The following IGSF10 variants were observed in gnomAD, a reference collection of about 807,000 sequenced individuals.
IGSF10 encodes immunoglobulin superfamily member 10.
A neutral mutation model predicts 128.2 loss-of-function variants in IGSF10; 126 were observed. The observed-to-expected ratio is 0.98, with a 90% CI of 0.85 to 1.14. The LOEUF (loss-of-function observed/expected upper bound fraction) is 1.14. Among genes scored for constraint, IGSF10 ranks in the 50% most tolerant of loss-of-function variants. The pLI is 0.00. For synonymous variants in IGSF10, 1,185 were observed against 1,146.2 expected (o/e 1.03, Z -0.68); for missense variants, 3,295 against 3,149.8 (o/e 1.05, Z -1.10).
the IGSF10 span, among the ~76,000 whole-genome samples, chr3:151,547,017 C>A: frequency 6.6e-6 from 1 of 152,002 alleles, no homozygotes; most frequent in African/African-American, 2.4e-5. Context: ...GCGATCCACC[C>A]CCCCCTTGGC....
At chr3:151,560,338 A>G in the IGSF10 span, among the ~76,000 whole-genome samples, 4 of 152,026 alleles carry the variant, frequency 2.6e-5, no homozygotes, top group African/African-American at 7.2e-5. Context: ...TCACACTCCC[A>G]TAATTTGTGG....
the IGSF10 span, among the ~76,000 whole-genome samples, chr3:151,579,244 T>C: frequency 6.6e-6 from 1 of 151,900 alleles, no homozygotes; most frequent in Non-Finnish European, 1.5e-5. Context: ...ATAAAAGGAG[T>C]GTGCCTAATT....
At chr3:151,573,329 A>G in the IGSF10 span, among the ~76,000 whole-genome samples, 3 of 152,074 alleles carry the variant, frequency 2.0e-5, no homozygotes, top group Admixed American at 2.0e-4. Flanking sequence ...ACAGTGGGGT[A>G]TTAAAGTCTC....
chr3:151,439,394 CT>C (rs1451307539), intron 7 of IGSF10, among the ~76,000 whole-genome samples: 1 of 152,232 alleles, frequency 6.6e-6, no homozygotes, highest in African/African-American at 2.4e-5. Context: ...GGGCAGATCA[CT>C]TGAGGGCAGG....
the IGSF10 span, among the ~76,000 whole-genome samples, chr3:151,473,397 C>T: frequency 3.9e-4 from 59 of 152,200 alleles, no homozygotes; most frequent in Admixed American, 2.3e-3. Context: ...TGCTTTCCTA[C>T]GCTCACTAAC....
At chr3:151,526,721 T>A in the IGSF10 span, among the ~76,000 whole-genome samples, 1 of 152,210 alleles carries the variant, frequency 6.6e-6, no homozygotes, top group Non-Finnish European at 1.5e-5. Flanking sequence ...ATGCATTTGC[T>A]TTCAGATTTA....
At chr3:151,497,031 T>G in the IGSF10 span, among the ~76,000 whole-genome samples, 1 of 152,190 alleles carries the variant, frequency 6.6e-6, no homozygotes, top group East Asian at 1.9e-4. Flanking sequence ...GGGTTGTTTT[T>G]TTCTTGTAAA....
Position 151,436,516 on chromosome 3 carries a change from A to G in IGSF10, c.*173T>C, listed in dbSNP as rs1165614459. 16 of 507,936 alleles carry G rather than the reference A, an allele frequency of 3.1e-5. No homozygotes were observed. Among genetic ancestry groups the G allele is most frequent in the Non-Finnish European group, 4.4e-5 (13 of 294,344 alleles). The allele number at this position is 507,936 out of a possible 1,614,324, so 31.5% of individuals were successfully genotyped here. On this transcript the variant is annotated 3_prime_UTR_variant, in exon 8 of 8. Coordinates refer to ENST00000282466, the MANE Select transcript of IGSF10 (RefSeq NM_178822.5). ...TGTTTTGAGATCCATTAAATAAATC[A>G]GTATCATCAGTTCATAATGCATTTA...
At chr3:151,439,654 G>A (rs902647841) in intron 7 of IGSF10, among the ~76,000 whole-genome samples, 2 of 152,182 alleles carry the variant, frequency 1.3e-5, no homozygotes, top group Non-Finnish European at 2.9e-5. Flanking sequence ...CCAACGCAAG[G>A]TTCCTTAGAA....
chr3:151,494,460 T>G, the IGSF10 span, among the ~76,000 whole-genome samples: 1 of 152,086 alleles, frequency 6.6e-6, no homozygotes, highest in East Asian at 1.9e-4. Flanking sequence ...GCCTTACTAA[T>G]TCAAGTAACT....
Position 151,436,571 on chromosome 3 carries a change from T to C in IGSF10, c.*118A>G. The stretch of plus-strand genomic sequence containing the variant: ...CAAGTCCTTTTATTTTGCATGTTCA[T>C]TGTAAATTTAATACTGTAAATGTAT... On this transcript the variant is annotated 3_prime_UTR_variant, in exon 8 of 8. Transcript: ENST00000282466. 1.5e-6 allele frequency: 1 copy of C among 670,796 alleles called. No homozygotes were observed. The highest frequency in any genetic ancestry group is 2.5e-6 in the Non-Finnish European group (1 of 398,378). The allele number at this position is 670,796 out of a possible 1,614,324, so 41.6% of individuals were successfully genotyped here.
the IGSF10 span, among the ~76,000 whole-genome samples, chr3:151,491,154 A>C: frequency 1.3e-5 from 2 of 152,158 alleles, no homozygotes; most frequent in South Asian, 4.1e-4. Context: ...CAGAAAATGA[A>C]ATTGAAGAAA....
the IGSF10 span, among the ~76,000 whole-genome samples, chr3:151,556,412 G>GA: frequency 6.6e-6 from 1 of 152,140 alleles, no homozygotes; most frequent in South Asian, 2.1e-4. Context: ...GAGTTTTGAT[G>GA]AAACAGACCA....
At chr3:151,501,803 T>G in the IGSF10 span, among the ~76,000 whole-genome samples, 54 of 152,248 alleles carry the variant, frequency 3.5e-4, no homozygotes, top group African/African-American at 1.3e-3. Flanking sequence ...CATGCTTCCT[T>G]GACCTTTTCA....
chr3:151,528,517 T>C, the IGSF10 span, among the ~76,000 whole-genome samples: 1 of 152,148 alleles, frequency 6.6e-6, no homozygotes, highest in Non-Finnish European at 1.5e-5. Context: ...TTCATCTCAC[T>C]GGGAATGGTT....
Position 151,443,436 on chromosome 3 carries a change from G to T in IGSF10, c.5511C>A (p.Val1837=). ...GQDSLLVKIQ[V]IAAPPVILEQ... is the part of the protein sequence containing the mutation. ...CTAGAATAACAGGTGGTGCTGCAAT[G>T]ACTTGTATTTTAACCAGCAGTGAAT... The change falls in exon 7 of 8, where the codon GTC becomes GTA. Residue 1837 remains valine (V), a synonymous_variant. Coordinates refer to ENST00000282466, the MANE Select transcript of IGSF10 (RefSeq NM_178822.5). The T allele has an allele frequency of 6.2e-7, 1 of 1,614,176 alleles. No individual in the cohort carries two copies. Among genetic ancestry groups the T allele is most frequent in the South Asian group, 1.1e-5 (1 of 91,068 alleles).
the IGSF10 span, among the ~76,000 whole-genome samples, chr3:151,515,552 T>C: frequency 7.3e-5 from 11 of 151,524 alleles, no homozygotes; most frequent in Non-Finnish European, 1.5e-4. Context: ...CACACCAACA[T>C]GGCACATGTA....
chr3:151,477,071 C>T, the IGSF10 span, among the ~76,000 whole-genome samples: 3 of 152,176 alleles, frequency 2.0e-5, no homozygotes, highest in South Asian at 4.1e-4. Flanking sequence ...GTTGTACTAA[C>T]GTTGGTTGTA....
At chr3:151,554,022 TG>T in the IGSF10 span, among the ~76,000 whole-genome samples, 2 of 151,072 alleles carry the variant, frequency 1.3e-5, no homozygotes, top group African/African-American at 2.4e-5. Context: ...GGCGTACTCC[TG>T]TAGTTCCAGC....
Sources: allele counts gnomAD v4.1 joint callset (sites outside exome capture counted in the v4.1 genomes callset), GRCh38; gene constraint gnomAD v4.1.1; transcripts MANE v1.5; gene names NCBI Gene and HGNC (gene_info 2026-07-23, HGNC 2026-07-21).